The following GTF3C2 variants were observed in gnomAD, a reference collection of about 807,000 sequenced individuals.
The protein encoded by GTF3C2 is general transcription factor 3C polypeptide 2.
A neutral mutation model predicts 117.4 loss-of-function variants in GTF3C2; 17 were observed. The observed-to-expected ratio is 0.14, with a 90% CI of 0.10 to 0.22. The LOEUF is 0.22. GTF3C2 is among the 10% of genes least tolerant of loss of function. The pLI, the probability that GTF3C2 is intolerant of heterozygous loss-of-function variation, is 1.00. For missense variants in GTF3C2, 888 were observed against 1,143.6 expected, an observed-to-expected ratio of 0.78 and a Z score of 3.22; for synonymous variants, 437 against 427.0, an observed-to-expected ratio of 1.02 and a Z score of -0.29.
chr2:27,335,682 G>T, exon 10 of GTF3C2: 1 of 1,562,076 alleles, frequency 6.4e-7, no homozygotes. Flanking sequence ...AGAGCCAAGA[G>T]ACCCAACCGG....
chr2:27,353,513 A>T (rs1393701346), intron 1 of GTF3C2, among the ~76,000 whole-genome samples: 2 of 151,612 alleles, frequency 1.3e-5, no homozygotes, highest in African/African-American at 4.9e-5. Flanking sequence ...CTCTCTGCTC[A>T]CCGCTGCCTC....
In GTF3C2 at chr2:27,333,512, TTTCTA is replaced by T. The variant is rs1382722194; in HGVS notation, c.1732+138_1732+142del. On this transcript the variant is annotated intron_variant, in intron 12 of 18. Transcript: ENST00000264720. ...TAGAAATAGTCTAGTGACTTATTTC[TTTCTA>T]TTTTTTTTTTTTTACATTGCTTGAA... The T allele has an allele frequency of 2.6e-5, 16 of 621,624 alleles. No homozygotes were observed. The East Asian group carries it at 4.5e-4, about 18-fold the overall frequency. The allele number at this position is 621,624 out of a possible 1,614,324, so 38.5% of individuals were successfully genotyped here.
chr2:27,342,176 A>G, exon 4 of GTF3C2: 2 of 1,614,114 alleles, frequency 1.2e-6, no homozygotes, highest in Non-Finnish European at 1.7e-6. Flanking sequence ...GACAGGACAC[A>G]GGGGCAGGCA....
chr2:27,336,154 T>C, intron 8 of GTF3C2, 44 bp downstream of exon 8: 4 of 1,493,776 alleles, frequency 2.7e-6, no homozygotes, highest in Non-Finnish European at 3.7e-6. Context: ...CCCATCCTGC[T>C]GTCCTCAACC....
chr2:27,329,580 A>T lies in GTF3C2; in HGVS notation c.1733-57T>A. On this transcript the variant is annotated intron_variant, in intron 12 of 18. Transcript: ENST00000264720. The surrounding 1 kb of genome is among the most constrained non-coding windows in gnomAD (Gnocchi z 4.5). ...AAGCAAGTTCTCTCTTCCTTGCTCT[A>T]ATTTCTTTCTCTGGGCTCCTAGGAC... The T allele has an allele frequency of 6.4e-7, 1 of 1,561,792 alleles. No homozygotes were observed. Among genetic ancestry groups the T allele is most frequent in the Non-Finnish European group, 8.8e-7 (1 of 1,139,150 alleles).
exon 19 of GTF3C2, chr2:27,326,282 T>G (rs959730955): frequency 2.1e-6 from 1 of 472,174 alleles, no homozygotes; most frequent in Admixed American, 2.5e-5. Context: ...GGAGCCTTCA[T>G]GCAGATACCC....
intron 18 of GTF3C2, 85 bp from the exon 19 acceptor site, chr2:27,326,978 AT>A (rs1680096882): frequency 6.4e-6 from 5 of 779,666 alleles, no homozygotes; most frequent in South Asian, 5.2e-5. Flanking sequence ...AAAAAAAAAA[AT>A]GAGCCACAAT....
chr2:27,336,155 G>A (rs893479284), intron 8 of GTF3C2, 43 bp downstream of exon 8: 1 of 1,500,846 alleles, frequency 6.7e-7, no homozygotes. Flanking sequence ...CCATCCTGCT[G>A]TCCTCAACCA....
Position 27,356,221 on chromosome 2 carries a change from C to T in GTF3C2, c.-25+518G>A, listed in dbSNP as rs1375958312. 8.0e-6 allele frequency: 5 copies of T among 626,158 alleles called. No individual in the cohort carries two copies. The African/African-American group carries it at 9.4e-5, about 12-fold the overall frequency. 38.8% of individuals were successfully genotyped at this position (626,158 alleles called of 1,614,324 possible). A position where few individuals can be genotyped will look rare whatever the true frequency, so the allele number is the denominator to read the frequency against. On this transcript the variant is annotated intron_variant, in intron 1 of 18. Transcript: ENST00000264720. ...GAAACACAACTGGCCCTTGGTTACGCCAATGGCGTTGCAGCGCGCGGGGCA... is the reference window on the plus strand; with the variant it reads ...GAAACACAACTGGCCCTTGGTTACGTCAATGGCGTTGCAGCGCGCGGGGCA...
At chr2:27,347,962 T>C (rs530723922) in intron 1 of GTF3C2, among the ~76,000 whole-genome samples, 7 of 151,794 alleles carry the variant, frequency 4.6e-5, no homozygotes, top group African/African-American at 1.5e-4. Context: ...GGCAAAACCC[T>C]GTCTCTACAG....
Position 27,327,160 on chromosome 2 carries a change from A to G in GTF3C2, c.2517+17T>C, listed in dbSNP as rs1397192289. The stretch of plus-strand genomic sequence containing the variant: ...GGGGGGAAATGAGAGTGGAGGGTGG[A>G]GAGGATGAGAGACTACCTTATGAAT... On this transcript the variant is annotated intron_variant, in intron 18 of 18. Transcript: ENST00000264720. 7.6e-7 allele frequency: 1 copy of G among 1,308,470 alleles called. No individual in the cohort carries two copies. Among genetic ancestry groups the G allele is most frequent in the South Asian group, 1.2e-5 (1 of 83,364 alleles). The allele number at this position is 1,308,470 out of a possible 1,614,324, so 81.1% of individuals were successfully genotyped here.
chr2:27,349,139 ATTTGATTTT>A (rs1237771142), intron 1 of GTF3C2, among the ~76,000 whole-genome samples: 8 of 126,292 alleles, frequency 6.3e-5, no homozygotes, highest in Non-Finnish European at 9.9e-5. Context: ...GCCCAGCCTG[ATTTGATTTT>A]TTTTTTTTTT....
intron 1 of GTF3C2, 187 bp from the exon 2 acceptor site, chr2:27,343,765 G>A: frequency 1.8e-6 from 1 of 540,926 alleles, no homozygotes; most frequent in Non-Finnish European, 3.3e-6. Flanking sequence ...GGTAATATGA[G>A]CCAGGTGCGG....
chr2:27,346,330 C>CTTTT (rs144256545), intron 1 of GTF3C2, among the ~76,000 whole-genome samples: 5 of 64,354 alleles, frequency 7.8e-5, no homozygotes, highest in African/African-American at 1.8e-4. Context: ...ATTCTGATAC[C>CTTTT]TTTTTTTTTT....
chr2:27,340,787 ATT>A (rs1181361973), intron 4 of GTF3C2: 3 of 143,614 alleles, frequency 2.1e-5, no homozygotes, highest in Non-Finnish European at 3.1e-5. Context: ...CATCCAGCTA[ATT>A]TTTTTTTTTT....
At chr2:27,354,292 G>A (rs1681247264) in intron 1 of GTF3C2, among the ~76,000 whole-genome samples, 1 of 151,878 alleles carries the variant, frequency 6.6e-6, no homozygotes, top group Non-Finnish European at 1.5e-5. Flanking sequence ...CAAAAAAAGT[G>A]GGAACCAATA....
chr2:27,335,964 T>C, exon 9 of GTF3C2: 1 of 1,613,888 alleles, frequency 6.2e-7, no homozygotes, highest in Non-Finnish European at 8.5e-7. Context: ...GGGCAGAACT[T>C]GAGGTCCCAG....
intron 10 of GTF3C2, among the ~76,000 whole-genome samples, chr2:27,334,241 C>T (rs959098449): frequency 2.6e-5 from 4 of 151,914 alleles, no homozygotes; most frequent in Non-Finnish European, 5.9e-5. Context: ...TGGACACAGG[C>T]CTTCTCTTAA....
intron 10 of GTF3C2, chr2:27,335,259 G>GTATA: frequency 2.0e-6 from 1 of 501,394 alleles, no homozygotes; most frequent in Non-Finnish European, 4.0e-6. Context: ...GGGAACAAGA[G>GTATA]TATAGCAGGG....
Sources: gnomAD v4.1 joint callset for allele counts (sites outside exome capture counted in the v4.1 genomes callset) on GRCh38, gnomAD v4.1.1 for gene constraint, Gnocchi (gnomAD v3.1) non-coding constraint, MANE v1.5 for transcripts, NCBI Gene and HGNC (gene_info 2026-07-23, HGNC 2026-07-21) for gene names.